Variants in SPMIP7 observed in about 807,000 individuals in gnomAD.
SPMIP7 encodes the protein protein SPMIP7.
chr7:50,110,720 ATAT>A, the SPMIP7 span, among the ~76,000 whole-genome samples: 2 of 50,636 alleles, frequency 3.9e-5, no homozygotes, highest in African/African-American at 1.2e-4. Context: ...TATATTGCAT[ATAT>A]TATATTAAAT....
the SPMIP7 span, among the ~76,000 whole-genome samples, chr7:50,105,560 A>G: frequency 1.3e-5 from 2 of 152,184 alleles, no homozygotes; most frequent in African/African-American, 4.8e-5. Context: ...CAGCTGTACT[A>G]TGGTACCTGG....
the SPMIP7 span, among the ~76,000 whole-genome samples, chr7:50,154,974 C>G: frequency 6.6e-6 from 1 of 152,182 alleles, no homozygotes; most frequent in African/African-American, 2.4e-5. Context: ...ACCAGATCAC[C>G]ATTTTTGTTG....
the SPMIP7 span, among the ~76,000 whole-genome samples, chr7:50,128,828 C>T: frequency 1.3e-4 from 19 of 151,738 alleles, no homozygotes; most frequent in Admixed American, 3.3e-4. Context: ...ATTGTTAAAT[C>T]GAAGAAGTAT....
At chr7:50,117,315 C>A in the SPMIP7 span, 3 of 448,476 alleles carry the variant, frequency 6.7e-6, no homozygotes. Flanking sequence ...GACTCAGTAG[C>A]TAAGCCATAT....
the SPMIP7 span, among the ~76,000 whole-genome samples, chr7:50,119,685 C>T: frequency 6.6e-6 from 1 of 152,162 alleles, no homozygotes; most frequent in Non-Finnish European, 1.5e-5. Flanking sequence ...GAAAACAATA[C>T]TCTGACCTTT....
the SPMIP7 span, among the ~76,000 whole-genome samples, chr7:50,109,594 C>T: frequency 8.4e-3 from 1,282 of 152,188 alleles, 15 homozygotes; most frequent in African/African-American, 0.029. Context: ...TGGTTGTTCT[C>T]GAACTCCTGA....
chr7:50,133,812 G>T, the SPMIP7 span, among the ~76,000 whole-genome samples: 1 of 152,166 alleles, frequency 6.6e-6, no homozygotes, highest in East Asian at 1.9e-4. Context: ...TGCTTAGGTT[G>T]GGCCTATTCA....
At chr7:50,141,082 C>T in the SPMIP7 span, among the ~76,000 whole-genome samples, 4 of 152,192 alleles carry the variant, frequency 2.6e-5, no homozygotes, top group African/African-American at 7.2e-5. Flanking sequence ...AGCATGCCAC[C>T]GCTCATTCTG....
At chr7:50,135,677 C>T in the SPMIP7 span, among the ~76,000 whole-genome samples, 1 of 152,184 alleles carries the variant, frequency 6.6e-6, no homozygotes, top group South Asian at 2.1e-4. Flanking sequence ...ATTCTACTAG[C>T]ATCCAAAGTC....
chr7:50,135,879 G>A, the SPMIP7 span, among the ~76,000 whole-genome samples: 6 of 152,190 alleles, frequency 3.9e-5, no homozygotes, highest in Non-Finnish European at 5.9e-5. Flanking sequence ...TTCCAGCTAT[G>A]AGAAAACAAA....
chr7:50,155,837 T>G, the SPMIP7 span, among the ~76,000 whole-genome samples: 1 of 152,280 alleles, frequency 6.6e-6, no homozygotes, highest in Non-Finnish European at 1.5e-5. Flanking sequence ...TGGCCCTCAC[T>G]ATACACACAT....
the SPMIP7 span, chr7:50,136,269 A>C: frequency 1.2e-6 from 1 of 815,832 alleles, no homozygotes; most frequent in Non-Finnish European, 2.0e-6. Flanking sequence ...TGGGTGAGGG[A>C]TATGTTCTCT....
the SPMIP7 span, among the ~76,000 whole-genome samples, chr7:50,155,262 C>A: frequency 1.4e-4 from 22 of 152,114 alleles, no homozygotes; most frequent in African/African-American, 5.3e-4. Flanking sequence ...GAAACCATTG[C>A]CAAGGCCAAT....
At chr7:50,141,710 C>CT in the SPMIP7 span, 1 of 146,896 alleles carries the variant, frequency 6.8e-6, no homozygotes, top group African/African-American at 2.7e-5. Context: ...CGGCAGATCA[C>CT]TAACAGAGAG....
At chr7:50,158,226 G>C in the SPMIP7 span, among the ~76,000 whole-genome samples, 1 of 150,954 alleles carries the variant, frequency 6.6e-6, no homozygotes, top group Non-Finnish European at 1.5e-5. Flanking sequence ...TCTTCTCCTA[G>C]CCTCTGGGTG....
the SPMIP7 span, among the ~76,000 whole-genome samples, chr7:50,099,090 ATAT>A: frequency 6.6e-6 from 1 of 152,104 alleles, no homozygotes; most frequent in South Asian, 2.1e-4. Flanking sequence ...GCGAAATCAC[ATAT>A]TATTTGTCTT....
At chr7:50,112,911 G>A in the SPMIP7 span, among the ~76,000 whole-genome samples, 1 of 148,120 alleles carries the variant, frequency 6.8e-6, no homozygotes, top group African/African-American at 2.5e-5. Flanking sequence ...TTGGAGATAT[G>A]CAAAAGAGAT....
chr7:50,118,683 T>C, the SPMIP7 span, among the ~76,000 whole-genome samples: 1 of 152,194 alleles, frequency 6.6e-6, no homozygotes, highest in African/African-American at 2.4e-5. Context: ...AATAAGCTTA[T>C]GCACCCAATG....
At chr7:50,105,223 G>T in the SPMIP7 span, among the ~76,000 whole-genome samples, 2 of 152,066 alleles carry the variant, frequency 1.3e-5, no homozygotes, top group African/African-American at 4.8e-5. Flanking sequence ...TGAGATATAT[G>T]TCATGCATGA....
Sources: allele counts gnomAD v4.1 joint callset (sites outside exome capture counted in the v4.1 genomes callset), GRCh38; gene constraint gnomAD v4.1.1; transcripts MANE v1.5; gene names NCBI Gene and HGNC (gene_info 2026-07-23, HGNC 2026-07-21).